HS3ST2: variants seen among roughly 807,000 people sequenced by gnomAD.
HS3ST2 encodes the protein heparan sulfate glucosamine 3-O-sulfotransferase 2.
Under a neutral mutation model 26.3 loss-of-function variants are expected in HS3ST2, and 17 were observed. The observed-to-expected ratio is 0.65, with a 90% CI of 0.44 to 0.97. The LOEUF (loss-of-function observed/expected upper bound fraction) is 0.97. Among genes scored for constraint, HS3ST2 ranks in the 50% least tolerant of loss-of-function variants. The probability of loss-of-function intolerance (pLI) is 0.00; values close to 1 mark genes in which losing one functional copy is unlikely to be tolerated. For missense variants in HS3ST2, 402 were observed against 501.2 expected, an observed-to-expected ratio of 0.80 and a Z score of 1.89; for synonymous variants, 237 against 219.2, an observed-to-expected ratio of 1.08 and a Z score of -0.72.
chr16:22,914,653 C>T (rs1364273057), intron 1 of HS3ST2, among the ~76,000 whole-genome samples: 1 of 122,296 alleles, frequency 8.2e-6, no homozygotes, highest in Non-Finnish European at 1.6e-5. Flanking sequence ...GGGAAGATAG[C>T]CTGATCCCAG....
chr16:22,914,504 G>A (rs999926620), intron 1 of HS3ST2, among the ~76,000 whole-genome samples: 3 of 151,888 alleles, frequency 2.0e-5, no homozygotes, highest in Non-Finnish European at 4.4e-5. Flanking sequence ...CCAGGTGTTC[G>A]AGACTAGCCT....
In HS3ST2 at chr16:22,915,314, G is replaced by C; in HGVS notation, c.856G>C (p.Gly286Arg). The change falls in exon 2 of 2, where the codon GGG (glycine) becomes CGG (arginine). Residue 286 changes from glycine to arginine, a missense_variant. Gly to Arg is a moderately radical substitution (Grantham distance 125, BLOSUM62 -2). This residue lies in a region of HS3ST2 where 237 missense variants were observed against 346.6 expected (regional missense o/e 0.68). Coordinates refer to ENST00000261374, the MANE Select transcript of HS3ST2 (RefSeq NM_006043.2). ...RLITDPAGEMGRVQDFLGIKR... is the reference protein window; with the variant it reads ...RLITDPAGEMRRVQDFLGIKR... Reference sequence around the variant, plus strand: ...CATCACTGACCCGGCCGGCGAGATGGGGCGAGTCCAGGACTTCCTGGGCAT... The same window carrying C: ...CATCACTGACCCGGCCGGCGAGATGCGGCGAGTCCAGGACTTCCTGGGCAT... The C allele has an allele frequency of 1.9e-6, 3 of 1,614,052 alleles. No individual in the cohort carries two copies. The highest frequency in any genetic ancestry group is 2.5e-6 in the Non-Finnish European group (3 of 1,180,022).
chr16:22,837,542 T>G (rs1346497410), intron 1 of HS3ST2, among the ~76,000 whole-genome samples: 2 of 140,672 alleles, frequency 1.4e-5, no homozygotes, highest in African/African-American at 5.5e-5. Context: ...TACACAGATA[T>G]ATGTATATAT....
At chr16:22,906,197 C>T (rs150911733) in intron 1 of HS3ST2, among the ~76,000 whole-genome samples, 20 of 152,028 alleles carry the variant, frequency 1.3e-4, no homozygotes, top group Non-Finnish European at 2.2e-4. Context: ...ATGGTGAAAC[C>T]CATCTCTACT....
In HS3ST2 at chr16:22,827,870, C is replaced by T. The variant is rs373883607; in HGVS notation, c.485+12775C>T. On this transcript the variant is annotated intron_variant, in intron 1 of 1. Coordinates refer to ENST00000261374, the MANE Select transcript of HS3ST2 (RefSeq NM_006043.2). The stretch of plus-strand genomic sequence containing the variant: ...AACTACGGGCATGAGGCACCATGCC[C>T]GGCTAATTTTTGTATTTTTTTTAGG... Among the ~76,000 whole-genome samples the T allele has an allele frequency of 1.6e-4, 24 of 151,832 alleles. 1 individual carries two copies. Among genetic ancestry groups the T allele is most frequent in the African/African-American group, 5.3e-4 (22 of 41,396 alleles).
chr16:22,855,793 A>C (rs779792384), intron 1 of HS3ST2, among the ~76,000 whole-genome samples: 9 of 150,920 alleles, frequency 6.0e-5, no homozygotes, highest in Non-Finnish European at 1.0e-4. Context: ...TGATGCTTCA[A>C]CCCTTATATC....
intron 1 of HS3ST2, among the ~76,000 whole-genome samples, chr16:22,857,978 GTT>G (rs1186225175): frequency 6.6e-6 from 1 of 152,108 alleles, no homozygotes; most frequent in Non-Finnish European, 1.5e-5. Flanking sequence ...TGCGGTGGTT[GTT>G]CTTTGATTCA....
At chr16:22,910,234 T>C (rs1902409303) in intron 1 of HS3ST2, among the ~76,000 whole-genome samples, 1 of 152,202 alleles carries the variant, frequency 6.6e-6, no homozygotes, top group African/African-American at 2.4e-5. Flanking sequence ...TTAGAAAATC[T>C]GTCCTCAATT....
At chr16:22,864,781 C>G (rs1441685228) in intron 1 of HS3ST2, among the ~76,000 whole-genome samples, 1 of 149,934 alleles carries the variant, frequency 6.7e-6, no homozygotes, top group Non-Finnish European at 1.5e-5. Flanking sequence ...AATCAAGGAT[C>G]ATGCCTGTAA....
chr16:22,820,747 C>T (rs1466034973), intron 1 of HS3ST2, among the ~76,000 whole-genome samples: 1 of 152,252 alleles, frequency 6.6e-6, no homozygotes, highest in Non-Finnish European at 1.5e-5. Flanking sequence ...CAAACCCTAT[C>T]ACTTGTTACA....
At chr16:22,844,802 A>G (rs1901407166) in intron 1 of HS3ST2, among the ~76,000 whole-genome samples, 1 of 151,500 alleles carries the variant, frequency 6.6e-6, no homozygotes, top group Non-Finnish European at 1.5e-5. Flanking sequence ...CTCCCCAGCC[A>G]TGCTTCCTGT....
At chr16:22,838,472 C>G (rs1901304196) in intron 1 of HS3ST2, among the ~76,000 whole-genome samples, 1 of 152,084 alleles carries the variant, frequency 6.6e-6, no homozygotes, top group African/African-American at 2.4e-5. Flanking sequence ...AATCATAGAC[C>G]ACAAACGGCC....
intron 1 of HS3ST2, among the ~76,000 whole-genome samples, chr16:22,846,566 A>C (rs1279052548): frequency 6.6e-6 from 1 of 152,172 alleles, no homozygotes; most frequent in Non-Finnish European, 1.5e-5. Context: ...ATCAGACATT[A>C]AAATTACCAC....
At chr16:22,831,977 AT>A (rs1030297067) in intron 1 of HS3ST2, among the ~76,000 whole-genome samples, 6 of 151,910 alleles carry the variant, frequency 3.9e-5, no homozygotes, top group African/African-American at 9.7e-5. Flanking sequence ...AAAAGATAAC[AT>A]TTTTTATTTT....
At chr16:22,911,853 G>T (rs1215035361) in intron 1 of HS3ST2, among the ~76,000 whole-genome samples, 1 of 152,174 alleles carries the variant, frequency 6.6e-6, no homozygotes, top group Non-Finnish European at 1.5e-5. Flanking sequence ...GCTGGGTGTG[G>T]TGGCTACACC....
intron 1 of HS3ST2, among the ~76,000 whole-genome samples, chr16:22,887,045 C>T (rs1034073660): frequency 3.3e-5 from 5 of 152,214 alleles, no homozygotes; most frequent in African/African-American, 1.2e-4. Flanking sequence ...AGCCACCATG[C>T]CTGATCTAAT....
At chr16:22,816,496 A>G (rs549020382) in intron 1 of HS3ST2, among the ~76,000 whole-genome samples, 111 of 152,344 alleles carry the variant, frequency 7.3e-4, no homozygotes, top group African/African-American at 2.6e-3. Flanking sequence ...CGAGTGGGTC[A>G]TGCATCATCC....
At chr16:22,863,088 A>G (rs1371253319) in intron 1 of HS3ST2, among the ~76,000 whole-genome samples, 1 of 152,226 alleles carries the variant, frequency 6.6e-6, no homozygotes, top group African/African-American at 2.4e-5. Context: ...GTAATTGCAA[A>G]TAAGCTTCTG....
chr16:22,850,070 A>AT (rs1555512624), intron 1 of HS3ST2, among the ~76,000 whole-genome samples: 6 of 152,256 alleles, frequency 3.9e-5, no homozygotes, highest in African/African-American at 7.2e-5. Flanking sequence ...ATGAATAACA[A>AT]TTTTTTTAGT....
Sources: allele counts gnomAD v4.1 joint callset (sites outside exome capture counted in the v4.1 genomes callset), GRCh38; gene constraint gnomAD v4.1.1; regional missense constraint gnomAD v4.1.1; transcripts MANE v1.5; gene names NCBI Gene and HGNC (gene_info 2026-07-23, HGNC 2026-07-21).